The following NTRK3 variants were observed in gnomAD, a reference collection of about 807,000 sequenced individuals.
NTRK3 encodes the protein neurotrophic receptor tyrosine kinase 3, also known as NT-3 growth factor receptor.
NTRK3 carries 24 observed loss-of-function variants against 91.7 expected under a neutral mutation model. The ratio of observed to expected loss-of-function variants is 0.26; its 90% confidence interval spans 0.19 to 0.37. The LOEUF (loss-of-function observed/expected upper bound fraction) is 0.37. Ranked by LOEUF, NTRK3 falls within the 10% of genes least tolerant of loss-of-function variation. The probability of loss-of-function intolerance (pLI) is 1.00; values close to 1 mark genes in which losing one functional copy is unlikely to be tolerated. For synonymous variants in NTRK3, 483 were observed against 404.0 expected (o/e 1.20, Z -2.34); for missense variants, 880 against 1,068.9 (o/e 0.82, Z 2.46).
At chr15:88,099,948 C>T (rs936982332) in intron 13 of NTRK3, among the ~76,000 whole-genome samples, 2 of 152,144 alleles carry the variant, frequency 1.3e-5, no homozygotes, top group African/African-American at 4.8e-5. Flanking sequence ...TACTTTGCAC[C>T]TTCTCTGGCC....
chr15:88,136,434 C>T (rs2151206875), intron 8 of NTRK3, 33 bp downstream of exon 8: 2 of 1,614,086 alleles, frequency 1.2e-6, no homozygotes, highest in Non-Finnish European at 1.7e-6. Context: ...CACTCCCTAG[C>T]CTCCTGATGG....
intron 17 of NTRK3, chr15:87,925,754 G>A (rs1257161608): frequency 1.1e-5 from 2 of 178,424 alleles, no homozygotes; most frequent in African/African-American, 2.4e-5. Context: ...GAAACCTTAA[G>A]AAAGACATTT....
chr15:87,986,171 G>T (rs1480192161), intron 14 of NTRK3, among the ~76,000 whole-genome samples: 1 of 152,148 alleles, frequency 6.6e-6, no homozygotes, highest in African/African-American at 2.4e-5. Flanking sequence ...AGAATCTCGG[G>T]TATTAATAAT....
At chr15:87,895,132 G>C (rs2066048357) in intron 17 of NTRK3, among the ~76,000 whole-genome samples, 1 of 152,176 alleles carries the variant, frequency 6.6e-6, no homozygotes, top group South Asian at 2.1e-4. Flanking sequence ...CACAGGGTTG[G>C]AAGTTACCCA....
chr15:88,151,163 C>T (rs569200667), intron 5 of NTRK3, among the ~76,000 whole-genome samples: 236 of 152,220 alleles, frequency 1.6e-3, no homozygotes, highest in African/African-American at 5.5e-3. Context: ...CAAGATTTTA[C>T]GAGATGATGC....
rs201282065 is a variant in NTRK3, at chr15:88,093,056, G to T, written c.1396+33215C>A. Among the ~76,000 whole-genome samples the T allele has an allele frequency of 1.8e-4, 26 of 146,862 alleles. 1 individual carries two copies. The highest frequency in any genetic ancestry group is 1.1e-3 in the Admixed American group (16 of 14,862). On this transcript the variant is annotated intron_variant, in intron 13 of 18. Transcript: ENST00000394480. The stretch of plus-strand genomic sequence containing the variant: ...TGGTTTTTTTTTTTTTGGCTTTGGG[G>T]TTTTTTTTGTTTTTTTTGTTTTTTT...
chr15:88,050,645 T>C (rs1224731694), intron 13 of NTRK3, among the ~76,000 whole-genome samples: 1 of 152,200 alleles, frequency 6.6e-6, no homozygotes, highest in Admixed American at 6.5e-5. Context: ...TGCTTTCTAA[T>C]TTAATAGAAC....
chr15:88,041,785 A>G (rs17754778), intron 13 of NTRK3, among the ~76,000 whole-genome samples: 1 of 146,282 alleles, frequency 6.8e-6, no homozygotes, highest in South Asian at 2.2e-4. Context: ...CTTCGCGTGC[A>G]TCACACCATC....
At chr15:88,077,461 G>A (rs1018194462) in intron 13 of NTRK3, among the ~76,000 whole-genome samples, 6 of 150,596 alleles carry the variant, frequency 4.0e-5, no homozygotes, top group African/African-American at 7.3e-5. Context: ...TTGTCTCCAC[G>A]CCTCCCCATG....
intron 6 of NTRK3, among the ~76,000 whole-genome samples, chr15:88,141,651 G>A (rs2042397685): frequency 6.6e-6 from 1 of 152,246 alleles, no homozygotes. Context: ...GGGCTTGGCT[G>A]CATTGCCGCA....
intron 13 of NTRK3, among the ~76,000 whole-genome samples, chr15:88,119,061 A>G (rs1439631056): frequency 6.6e-6 from 1 of 152,240 alleles, no homozygotes; most frequent in Non-Finnish European, 1.5e-5. Context: ...CCCTTTGAAT[A>G]GGAGAGTCGA....
intron 13 of NTRK3, among the ~76,000 whole-genome samples, chr15:88,035,084 A>C (rs1332062954): frequency 1.3e-5 from 2 of 152,232 alleles, no homozygotes; most frequent in African/African-American, 4.8e-5. Flanking sequence ...AAGATAGTTC[A>C]ATAATATTTT....
At chr15:87,930,845 C>T (rs1253700887) in intron 16 of NTRK3, among the ~76,000 whole-genome samples, 3 of 152,036 alleles carry the variant, frequency 2.0e-5, no homozygotes, top group East Asian at 1.9e-4. Flanking sequence ...GCAAAATTGC[C>T]CCAGGAAGAC....
At chr15:88,079,771 T>G (rs952925782) in intron 13 of NTRK3, among the ~76,000 whole-genome samples, 5 of 152,106 alleles carry the variant, frequency 3.3e-5, no homozygotes, top group Non-Finnish European at 5.9e-5. Context: ...AATTTAAAAT[T>G]CAAAGAAGTT....
intron 6 of NTRK3, among the ~76,000 whole-genome samples, chr15:88,139,167 C>G (rs1306172490): frequency 6.6e-6 from 1 of 152,228 alleles, no homozygotes; most frequent in Non-Finnish European, 1.5e-5. Context: ...GAGTCACCTT[C>G]AAGGACTTCC....
At chr15:87,906,620 C>T (rs1005860479) in intron 17 of NTRK3, among the ~76,000 whole-genome samples, 13 of 152,130 alleles carry the variant, frequency 8.5e-5, no homozygotes, top group South Asian at 2.1e-4. Flanking sequence ...TTTTCAGATA[C>T]GATTTCATCC....
At chr15:87,960,885 G>A (rs541629388) in intron 14 of NTRK3, among the ~76,000 whole-genome samples, 116 of 152,238 alleles carry the variant, frequency 7.6e-4, no homozygotes, top group Admixed American at 1.4e-3. Context: ...TCTAAGCGGC[G>A]TGCCATATCA....
chr15:88,109,853 C>A (rs1051796619), intron 13 of NTRK3, among the ~76,000 whole-genome samples: 1 of 152,186 alleles, frequency 6.6e-6, no homozygotes, highest in African/African-American at 2.4e-5. Flanking sequence ...ATGGGACCTG[C>A]AGATTACTCA....
At chr15:87,876,273 G>A (rs1236294458) in exon 19 of NTRK3, 4 of 232,150 alleles carry the variant, frequency 1.7e-5, no homozygotes, top group South Asian at 3.6e-4. Context: ...ATTCCCAAAA[G>A]CATCAAGATT....
Sources: allele counts gnomAD v4.1 joint callset (sites outside exome capture counted in the v4.1 genomes callset), GRCh38; gene constraint gnomAD v4.1.1; transcripts MANE v1.5; gene names NCBI Gene and HGNC (gene_info 2026-07-23, HGNC 2026-07-21).